FAM149A: variants seen among roughly 807,000 people sequenced by gnomAD.
The protein encoded by FAM149A is protein FAM149A.
FAM149A carries 71 observed loss-of-function variants against 78.2 expected under a neutral mutation model. The ratio of observed to expected loss-of-function variants is 0.91; its 90% confidence interval spans 0.75 to 1.11. FAM149A has a LOEUF of 1.11. Among genes scored for constraint, FAM149A ranks in the 50% least tolerant of loss-of-function variants. The pLI is 0.00. For missense variants in FAM149A, 1,036 were observed against 971.0 expected (o/e 1.07, Z -0.89); for synonymous variants, 446 against 410.5 (o/e 1.09, Z -1.04).
intron 1 of FAM149A, among the ~76,000 whole-genome samples, chr4:186,134,235 C>T (rs944753793): frequency 2.6e-5 from 4 of 152,106 alleles, no homozygotes; most frequent in African/African-American, 7.2e-5. Flanking sequence ...CAGCATCGTG[C>T]GATGCTGTTG....
At chr4:186,127,448 A>G (rs899428807) in intron 1 of FAM149A, 7 of 985,290 alleles carry the variant, frequency 7.1e-6, no homozygotes, top group African/African-American at 7.0e-5. Flanking sequence ...CTCAGAAGAG[A>G]TGTCAAGAGG....
At chr4:186,136,343 A>T (rs993278490) in intron 1 of FAM149A, among the ~76,000 whole-genome samples, 1 of 152,208 alleles carries the variant, frequency 6.6e-6, no homozygotes, top group African/African-American at 2.4e-5. Flanking sequence ...AAAGTAAAAA[A>T]ATTGGATATT....
intron 1 of FAM149A, among the ~76,000 whole-genome samples, chr4:186,137,012 C>CTT (rs2099323616): frequency 7.9e-6 from 1 of 127,180 alleles, no homozygotes; most frequent in African/African-American, 2.9e-5. Flanking sequence ...CTCTCTCTCT[C>CTT]TCTCTCTAAG....
chr4:186,105,927 C>G (rs2099308579), intron 1 of FAM149A, among the ~76,000 whole-genome samples: 1 of 152,140 alleles, frequency 6.6e-6, no homozygotes, highest in African/African-American at 2.4e-5. Flanking sequence ...AGAAGCATTG[C>G]TACTTAGAGT....
At position 186,125,091 on chromosome 4, in the gene FAM149A, GC is replaced by G. The variant is rs2099317735; in HGVS notation, c.566+19452del. On this transcript the variant is annotated intron_variant, in intron 1 of 13. Coordinates refer to ENST00000389354, the MANE Select transcript of FAM149A (RefSeq NM_001367768.3). ...TGAGAAGTGTCTGTTCATATCCTTT[GC>G]CCACTTGTTGATGGGCTTGTCATTT... 4.6e-5 allele frequency among the ~76,000 whole-genome samples: 7 copies of G among 152,124 alleles called. No individual in the cohort carries two copies. In the South Asian group the frequency reaches 1.5e-3, roughly 32 times the overall value.
At chr4:186,160,910 A>T in intron 8 of FAM149A, 1 of 980,702 alleles carries the variant, frequency 1.0e-6, no homozygotes. Context: ...ATTGTAAATC[A>T]GTCCCTGTTT....
intron 1 of FAM149A, chr4:186,146,928 G>A (rs1282569453): frequency 1.0e-6 from 1 of 985,338 alleles, no homozygotes; most frequent in African/African-American, 1.7e-5. Flanking sequence ...CATCTTTTGT[G>A]TGACGAGTGT....
intron 8 of FAM149A, among the ~76,000 whole-genome samples, chr4:186,162,586 C>CCT (rs1432334393): frequency 1.3e-5 from 2 of 152,186 alleles, no homozygotes; most frequent in Non-Finnish European, 1.5e-5. Context: ...GGTGCAGGAA[C>CCT]CTCTCTCTCA....
chr4:186,117,465 G>A (rs1426749683), intron 1 of FAM149A: 21 of 985,272 alleles, frequency 2.1e-5, no homozygotes, highest in Admixed American at 6.1e-5. Context: ...AAGAGGAGGC[G>A]CGGAGATGAT....
chr4:186,149,033 C>A, intron 1 of FAM149A, 140 bp from the exon 2 acceptor site: 2 of 325,474 alleles, frequency 6.1e-6, no homozygotes, highest in Non-Finnish European at 1.1e-5. Flanking sequence ...TGTGTGTGTG[C>A]GCTCATGCAC....
chr4:186,149,829 A>G (rs1733331644), intron 3 of FAM149A, 125 bp downstream of exon 3: 1 of 532,620 alleles, frequency 1.9e-6, no homozygotes. Flanking sequence ...ACATGTACAT[A>G]CATGTAAAAG....
intron 1 of FAM149A, chr4:186,116,478 G>A: frequency 1.0e-6 from 1 of 984,974 alleles, no homozygotes; most frequent in Non-Finnish European, 1.2e-6. Flanking sequence ...AGATAATAAT[G>A]AATTCAACTT....
chr4:186,120,848 C>CTTTT lies in FAM149A; in HGVS notation c.566+15221_566+15224dup, dbSNP rs374357159. Among the ~76,000 whole-genome samples the CTTTT allele has an allele frequency of 1.8e-3, 166 of 90,212 alleles. 4 individuals carry two copies. Among genetic ancestry groups the CTTTT allele is most frequent in the Non-Finnish European group, 2.1e-3 (110 of 52,302 alleles). 59.2% of individuals were successfully genotyped at this position (90,212 alleles called of 152,430 possible). ...AAAGTATCTTTCTCAAAATAATATT[C>CTTTT]TTTTTTTTTTTTTTTTTTCTTTTGA... is the stretch of plus-strand genomic sequence containing the variant. On this transcript the variant is annotated intron_variant, in intron 1 of 13. Transcript: ENST00000389354.
intron 13 of FAM149A, among the ~76,000 whole-genome samples, chr4:186,170,696 C>T (rs1433468544): frequency 1.3e-5 from 2 of 152,188 alleles, no homozygotes; most frequent in African/African-American, 4.8e-5. Context: ...GACAGGAAAC[C>T]TCAGGAGAAG....
At chr4:186,132,631 C>T (rs557876184) in intron 1 of FAM149A, among the ~76,000 whole-genome samples, 2 of 152,242 alleles carry the variant, frequency 1.3e-5, no homozygotes, top group East Asian at 3.9e-4. Context: ...GGTATGGTCT[C>T]ACTACTGAAT....
chr4:186,105,210 G>A lies in FAM149A; in HGVS notation c.134G>A (p.Gly45Asp), dbSNP rs2099308271. 2 of 1,268,728 alleles carry A rather than the reference G, an allele frequency of 1.6e-6. No individual in the cohort carries two copies. The highest frequency in any genetic ancestry group is 1.0e-6 in the Non-Finnish European group (1 of 980,172). 78.6% of individuals were successfully genotyped at this position (1,268,728 alleles called of 1,614,324 possible). A position where few individuals can be genotyped will look rare whatever the true frequency, so the allele number is the denominator to read the frequency against. ...GCAGGGTCGGGGGGCTCCAGGGCGG[G>A]CACCCCGTTGGGTACCGCCCCGACC... is the stretch of plus-strand genomic sequence containing the variant. The change falls in exon 1 of 14, where the codon GGC (glycine) becomes GAC (aspartate). Residue 45 changes from glycine to aspartate, a missense_variant. This residue lies in a region of FAM149A where 316 missense variants were observed against 241.9 expected (regional missense o/e 1.31). Transcript: ENST00000389354.
chr4:186,158,059 C>T lies in FAM149A; in HGVS notation c.1575+340C>T, dbSNP rs992175673. The T allele has an allele frequency of 7.3e-6, 10 of 1,377,278 alleles. No homozygotes were observed. The African/African-American group carries it at 1.3e-4, about 18-fold the overall frequency. 85.3% of individuals were successfully genotyped at this position (1,377,278 alleles called of 1,614,324 possible). ...CATCTCTGTCATAAATCTGAAGGGA[C>T]CTGGGAGAAGCTGCTGCTGGCAGCT... On this transcript the variant is annotated intron_variant, in intron 8 of 13. Coordinates refer to ENST00000389354, the MANE Select transcript of FAM149A (RefSeq NM_001367768.3).
At position 186,144,960 on chromosome 4, in the gene FAM149A, C is replaced by A; in HGVS notation, c.567-4213C>A. 1.0e-6 allele frequency: 1 copy of A among 964,630 alleles called. No individual in the cohort carries two copies. The highest frequency in any genetic ancestry group is 1.2e-6 in the Non-Finnish European group (1 of 823,106). The allele number at this position is 964,630 out of a possible 1,614,324, so 59.8% of individuals were successfully genotyped here. Reference sequence around the variant, plus strand: ...GCGCGGGCGCGGGCGCGGGCGCGGGCGGGTGGGGAGCCCCAGCCCCGGGGC... The same window carrying A: ...GCGCGGGCGCGGGCGCGGGCGCGGGAGGGTGGGGAGCCCCAGCCCCGGGGC... On this transcript the variant is annotated intron_variant, in intron 1 of 13. Coordinates refer to ENST00000389354, the MANE Select transcript of FAM149A (RefSeq NM_001367768.3). This position sits in a 1 kb window ranked among gnomAD's most constrained non-coding sequence, Gnocchi z 4.2.
intron 1 of FAM149A, among the ~76,000 whole-genome samples, chr4:186,137,620 A>G (rs1052793349): frequency 2.0e-5 from 3 of 152,042 alleles, no homozygotes; most frequent in Non-Finnish European, 4.4e-5. Context: ...AAAGAGGGGA[A>G]ATGTTGACAT....
Sources: gnomAD v4.1 joint callset for allele counts (sites outside exome capture counted in the v4.1 genomes callset) on GRCh38, gnomAD v4.1.1 for gene constraint, gnomAD v4.1.1 regional missense constraint, Gnocchi (gnomAD v3.1) non-coding constraint, MANE v1.5 for transcripts, NCBI Gene and HGNC (gene_info 2026-07-23, HGNC 2026-07-21) for gene names.